TNKS: variants seen among roughly 807,000 people sequenced by gnomAD.
TNKS encodes the protein tankyrase.
Under a neutral mutation model 135.8 loss-of-function variants are expected in TNKS, and 72 were observed. The observed-to-expected ratio is 0.53, with a 90% CI of 0.44 to 0.64. The LOEUF (loss-of-function observed/expected upper bound fraction) is 0.64, where lower values mean the gene tolerates loss of function less well. Ranked by LOEUF, TNKS falls within the 30% of genes least tolerant of loss-of-function variation. The probability of loss-of-function intolerance (pLI) is 0.00; values close to 1 mark genes in which losing one functional copy is unlikely to be tolerated. For synonymous variants in TNKS, 849 were observed against 649.3 expected (o/e 1.31, Z -4.68); for missense variants, 1,769 against 1,674.0 (o/e 1.06, Z -0.99).
intron 1 of TNKS, among the ~76,000 whole-genome samples, chr8:9,562,051 A>G (rs1435780471): frequency 1.3e-5 from 2 of 152,124 alleles, no homozygotes; most frequent in Non-Finnish European, 2.9e-5. Flanking sequence ...TCCTGACCTC[A>G]GGTGTTCCAT....
intron 3 of TNKS, among the ~76,000 whole-genome samples, chr8:9,666,115 C>T (rs926034601): frequency 2.6e-5 from 4 of 152,294 alleles, no homozygotes; most frequent in Middle Eastern, 3.4e-3. Context: ...TGATTACAAC[C>T]GTTTTACTGT....
intron 3 of TNKS, among the ~76,000 whole-genome samples, chr8:9,626,898 A>C (rs1800077050): frequency 6.6e-6 from 1 of 152,226 alleles, no homozygotes; most frequent in South Asian, 2.1e-4. Flanking sequence ...AAATATTTAG[A>C]ATCTTCGAAG....
At chr8:9,722,427 C>G (rs1265217442) in intron 12 of TNKS, 1 of 152,130 alleles carries the variant, frequency 6.6e-6, no homozygotes, top group Non-Finnish European at 1.5e-5. Context: ...CATTCTACTT[C>G]AGCCTTAATG....
At chr8:9,749,509 A>G (rs1355852182) in intron 18 of TNKS, among the ~76,000 whole-genome samples, 1 of 129,696 alleles carries the variant, frequency 7.7e-6, no homozygotes, top group Admixed American at 8.6e-5. Context: ...CAGTCTGGCT[A>G]TGTCACCCAA....
At chr8:9,605,059 A>AG (rs1289969003) in intron 2 of TNKS, among the ~76,000 whole-genome samples, 1 of 152,086 alleles carries the variant, frequency 6.6e-6, no homozygotes, top group East Asian at 1.9e-4. Context: ...ATATATTTTG[A>AG]GTATACATTT....
intron 3 of TNKS, among the ~76,000 whole-genome samples, chr8:9,676,205 G>A (rs1802526878): frequency 6.6e-6 from 1 of 151,598 alleles, no homozygotes; most frequent in African/African-American, 2.4e-5. Context: ...TAGAGATGGG[G>A]TTTCACCATG....
chr8:9,598,753 A>ATG (rs1563106035), intron 2 of TNKS, among the ~76,000 whole-genome samples: 4 of 73,268 alleles, frequency 5.5e-5, no homozygotes, highest in Non-Finnish European at 1.1e-4. Context: ...GTATATATGT[A>ATG]TATGTGTGTG....
At chr8:9,587,859 C>T (rs1443662293) in intron 2 of TNKS, among the ~76,000 whole-genome samples, 1 of 152,090 alleles carries the variant, frequency 6.6e-6, no homozygotes, top group Non-Finnish European at 1.5e-5. Flanking sequence ...CATCTTACAG[C>T]GGTTTTGCAA....
At chr8:9,575,381 A>G in intron 1 of TNKS, 1 of 985,306 alleles carries the variant, frequency 1.0e-6, no homozygotes, top group African/African-American at 1.7e-5. Flanking sequence ...CCGGCGGATA[A>G]TTTTTTAAGA....
intron 20 of TNKS, among the ~76,000 whole-genome samples, chr8:9,754,428 A>G (rs1291039751): frequency 6.6e-6 from 1 of 152,280 alleles, no homozygotes; most frequent in East Asian, 1.9e-4. Flanking sequence ...CTAGGCTTAT[A>G]GTCAGTTTGG....
intron 9 of TNKS, 141 bp from the exon 10 acceptor site, chr8:9,709,814 C>T (rs759498976): frequency 1.2e-4 from 80 of 656,886 alleles, no homozygotes; most frequent in Non-Finnish European, 2.0e-4. Context: ...TATGGATCAT[C>T]TCTGTGATAT....
At chr8:9,573,235 A>T (rs1030367319) in intron 1 of TNKS, among the ~76,000 whole-genome samples, 27 of 152,238 alleles carry the variant, frequency 1.8e-4, no homozygotes, top group African/African-American at 6.0e-4. Context: ...TGAGCAAAGA[A>T]TGATTGGTGA....
chr8:9,771,329 G>GGA (rs768840048), intron 26 of TNKS, among the ~76,000 whole-genome samples: 3 of 126,774 alleles, frequency 2.4e-5, no homozygotes, highest in African/African-American at 9.0e-5. Context: ...AAGAAAGGAG[G>GGA]GAGAGAGAGG....
intron 3 of TNKS, among the ~76,000 whole-genome samples, chr8:9,659,378 A>C (rs1359367425): frequency 6.6e-6 from 1 of 152,198 alleles, no homozygotes; most frequent in Non-Finnish European, 1.5e-5. Context: ...AAATTATAAC[A>C]AACTGTCTCT....
chr8:9,574,640 A>G (rs1797874038), intron 1 of TNKS, among the ~76,000 whole-genome samples: 1 of 152,232 alleles, frequency 6.6e-6, no homozygotes, highest in African/African-American at 2.4e-5. Context: ...TGTGACAAAT[A>G]CTGTTGGTTA....
chr8:9,696,943 A>G (rs1803542622), intron 5 of TNKS, among the ~76,000 whole-genome samples: 1 of 152,210 alleles, frequency 6.6e-6, no homozygotes, highest in African/African-American at 2.4e-5. Flanking sequence ...AAAAATTAGA[A>G]AAAACTATTC....
intron 1 of TNKS, among the ~76,000 whole-genome samples, chr8:9,559,421 T>C (rs933972683): frequency 6.6e-6 from 1 of 152,200 alleles, no homozygotes; most frequent in Non-Finnish European, 1.5e-5. Context: ...TACAGTTCTA[T>C]AGAATGAAAT....
Position 9,654,830 on chromosome 8 carries a change from G to A in TNKS, c.995-25121G>A, listed in dbSNP as rs1290263881. Among the ~76,000 whole-genome samples, 3 of 152,248 alleles carry A rather than the reference G, an allele frequency of 2.0e-5. No homozygotes were observed. The East Asian group carries it at 5.8e-4, about 29-fold the overall frequency. On this transcript the variant is annotated intron_variant, in intron 3 of 26. Transcript: ENST00000310430. ...AGCTCCCAGCGTGAGCGACACAGAA[G>A]ACGGGCGATTTCTGCATTTCCAACT...
chr8:9,608,405 A>C (rs539432974), intron 2 of TNKS, among the ~76,000 whole-genome samples: 1 of 152,164 alleles, frequency 6.6e-6, no homozygotes. Flanking sequence ...CGTTGATGCT[A>C]AGGTGCGTCA....
Sources: allele counts gnomAD v4.1 joint callset (sites outside exome capture counted in the v4.1 genomes callset), GRCh38; gene constraint gnomAD v4.1.1; transcripts MANE v1.5; gene names NCBI Gene and HGNC (gene_info 2026-07-23, HGNC 2026-07-21).